Variants in EPG5 observed in about 807,000 individuals in gnomAD.
EPG5 encodes ectopic P-granules 5 autophagy tethering factor.
Under a neutral mutation model 302.7 loss-of-function variants are expected in EPG5, and 159 were observed. The observed-to-expected ratio is 0.53, with a 90% CI of 0.46 to 0.60. The LOEUF (loss-of-function observed/expected upper bound fraction) is 0.60. Among genes scored for constraint, EPG5 ranks in the 20% least tolerant of loss-of-function variants. The pLI is 0.00. For missense variants in EPG5, 2,896 were observed against 3,092.4 expected (o/e 0.94, Z 1.51); for synonymous variants, 1,158 against 1,136.8 (o/e 1.02, Z -0.37).
At chr18:45,856,794 G>A (rs187924742) in intron 42 of EPG5, among the ~76,000 whole-genome samples, 105 of 151,806 alleles carry the variant, frequency 6.9e-4, no homozygotes, top group African/African-American at 2.3e-3. Flanking sequence ...AAACCATGAT[G>A]TAAGTAAGTA....
intron 23 of EPG5, 138 bp downstream of exon 23, chr18:45,910,383 C>G (rs2049863055): frequency 1.6e-6 from 1 of 616,814 alleles, no homozygotes; most frequent in Non-Finnish European, 2.8e-6. Context: ...AGATGCAAAT[C>G]TATATCAAAG....
the EPG5 span, chr18:45,838,633 C>T: frequency 7.0e-7 from 1 of 1,433,110 alleles, no homozygotes; most frequent in East Asian, 2.6e-5. Flanking sequence ...TCCCTTCTGA[C>T]CAGCCCCCAC....
intron 1 of EPG5, among the ~76,000 whole-genome samples, chr18:45,958,469 G>GGACA (rs79881590): frequency 0.3 from 44,977 of 151,866 alleles, 9,220 homozygotes; most frequent in African/African-American, 0.57. Context: ...GTTGGCACAT[G>GGACA]GACAAATAGA....
chr18:45,914,880 G>A (rs1378340658), intron 20 of EPG5, among the ~76,000 whole-genome samples: 3 of 152,106 alleles, frequency 2.0e-5, no homozygotes, highest in Non-Finnish European at 4.4e-5. Flanking sequence ...TACTAGGGAG[G>A]CTGGGAGCAG....
chr18:45,882,141 G>T, intron 31 of EPG5, 133 bp downstream of exon 31: 1 of 792,714 alleles, frequency 1.3e-6, no homozygotes. Flanking sequence ...AAGCCCTTTA[G>T]ATGACAATTA....
the EPG5 span, among the ~76,000 whole-genome samples, chr18:45,813,658 C>A: frequency 6.6e-6 from 1 of 151,532 alleles, no homozygotes. Context: ...AGCAAACTCT[C>A]ACAAGGACAA....
intron 23 of EPG5, among the ~76,000 whole-genome samples, chr18:45,908,864 A>C (rs1274353473): frequency 6.6e-6 from 1 of 151,830 alleles, no homozygotes; most frequent in African/African-American, 2.4e-5. Flanking sequence ...CAGGAGAATC[A>C]CTTGAACCCG....
chr18:45,914,677 C>T (rs745796749), intron 20 of EPG5, among the ~76,000 whole-genome samples: 32 of 152,222 alleles, frequency 2.1e-4, no homozygotes, highest in Non-Finnish European at 4.1e-4. Context: ...AGCTAACAAA[C>T]GGCAGAAACC....
At chr18:45,950,998 A>G (rs2143719593) in intron 4 of EPG5, 104 bp downstream of exon 4, 2 of 894,188 alleles carry the variant, frequency 2.2e-6, no homozygotes, top group East Asian at 5.9e-5. Context: ...CATCAAATAA[A>G]TTAGCTGAAA....
At chr18:45,941,022 T>C (rs531130058) in intron 9 of EPG5, among the ~76,000 whole-genome samples, 24 of 152,160 alleles carry the variant, frequency 1.6e-4, no homozygotes, top group Non-Finnish European at 3.5e-4. Context: ...GGACTGGAAA[T>C]ATAACTCTGA....
chr18:45,949,832 T>C (rs1440549287), intron 4 of EPG5, among the ~76,000 whole-genome samples: 1 of 152,218 alleles, frequency 6.6e-6, no homozygotes, highest in Non-Finnish European at 1.5e-5. Flanking sequence ...AAATAACAAA[T>C]CACTAATTTC....
At chr18:45,938,491 T>A (rs570746015) in intron 10 of EPG5, among the ~76,000 whole-genome samples, 1 of 151,450 alleles carries the variant, frequency 6.6e-6, no homozygotes, top group South Asian at 2.1e-4. Context: ...TAAATTTCTA[T>A]ACCCAAGTTC....
chr18:45,832,071 C>T, the EPG5 span, among the ~76,000 whole-genome samples: 1 of 152,222 alleles, frequency 6.6e-6, no homozygotes, highest in Admixed American at 6.5e-5. Flanking sequence ...TGAGCACTTT[C>T]CCACCACCCT....
In EPG5 at chr18:45,904,097, C is replaced by G. The variant is rs1296132524; in HGVS notation, c.4350G>C (p.Leu1450Phe). The G allele has an allele frequency of 1.2e-6, 2 of 1,611,542 alleles. No individual in the cohort carries two copies. Among genetic ancestry groups the G allele is most frequent in the East Asian group, 2.2e-5 (1 of 44,704 alleles). ...ACTCATGATAGATGCGCTCCATGTT[C>G]AAATACTCCATCCACAGATCCTGAA... is the stretch of plus-strand genomic sequence containing the variant. ...QNQQDLWMEY[L>F]NMERIYHEFQ... The change falls in exon 25 of 44, where the codon TTG (leucine) becomes TTC (phenylalanine). Residue 1450 changes from leucine (L) to phenylalanine (F), a missense_variant. Around this residue, in one of 5 missense-constraint regions of EPG5, gnomAD observed 790 missense variants for 798.0 expected, o/e 0.99. Coordinates refer to ENST00000282041, the MANE Select transcript of EPG5 (RefSeq NM_020964.3).
At chr18:45,962,913 AT>A (rs1443834089) in intron 1 of EPG5, among the ~76,000 whole-genome samples, 1 of 152,234 alleles carries the variant, frequency 6.6e-6, no homozygotes, top group African/African-American at 2.4e-5. Flanking sequence ...AACTTTCTAG[AT>A]TGACAAAGAT....
At chr18:45,806,340 C>T in the EPG5 span, among the ~76,000 whole-genome samples, 6 of 151,976 alleles carry the variant, frequency 3.9e-5, no homozygotes, top group Admixed American at 6.6e-5. Context: ...TCATGGTGGG[C>T]GGGAGGCAGG....
the EPG5 span, among the ~76,000 whole-genome samples, chr18:45,809,005 A>T: frequency 6.6e-6 from 1 of 152,180 alleles, no homozygotes; most frequent in Non-Finnish European, 1.5e-5. Flanking sequence ...CACCTAACAC[A>T]TAAGGACTCA....
At chr18:45,937,267 CACACACACACAT>C (rs2050553501) in intron 10 of EPG5, among the ~76,000 whole-genome samples, 1 of 133,950 alleles carries the variant, frequency 7.5e-6, no homozygotes, top group African/African-American at 2.8e-5. Context: ...CACACACACA[CACACACACACAT>C]ATGTATACAC....
At chr18:45,910,815 T>C (rs773537096) in intron 22 of EPG5, 73 bp from the exon 23 acceptor site, 5 of 1,211,256 alleles carry the variant, frequency 4.1e-6, no homozygotes, top group African/African-American at 1.5e-5. Context: ...AAAATAGCAG[T>C]TAATTAGCAA....
Sources: allele counts gnomAD v4.1 joint callset (sites outside exome capture counted in the v4.1 genomes callset), GRCh38; gene constraint gnomAD v4.1.1; regional missense constraint gnomAD v4.1.1; transcripts MANE v1.5; gene names NCBI Gene and HGNC (gene_info 2026-07-23, HGNC 2026-07-21).